MACROD2: variants seen among roughly 807,000 people sequenced by gnomAD.
MACROD2 encodes mono-ADP ribosylhydrolase 2, also known as ADP-ribose glycohydrolase MACROD2.
MACROD2 carries 36 observed loss-of-function variants against 70.4 expected under a neutral mutation model. The observed-to-expected ratio is 0.51, with a 90% CI of 0.39 to 0.68. The LOEUF (loss-of-function observed/expected upper bound fraction) is 0.68. MACROD2 is among the 30% of genes least tolerant of loss of function. The pLI, the probability that MACROD2 is intolerant of heterozygous loss-of-function variation, is 0.00. For synonymous variants in MACROD2, 172 were observed against 178.8 expected (o/e 0.96, Z 0.30); for missense variants, 496 against 538.4 (o/e 0.92, Z 0.78).
chr20:14,240,080 A>G (rs2081915232), intron 3 of MACROD2, among the ~76,000 whole-genome samples: 1 of 152,230 alleles, frequency 6.6e-6, no homozygotes, highest in Admixed American at 6.5e-5. Flanking sequence ...GAAGAACATG[A>G]AAAAATGCTC....
intron 8 of MACROD2, among the ~76,000 whole-genome samples, chr20:15,542,268 G>C (rs1237274310): frequency 1.3e-5 from 2 of 152,148 alleles, no homozygotes; most frequent in African/African-American, 4.8e-5. Flanking sequence ...TCTTTATAAT[G>C]TGGAAATTGT....
chr20:15,675,015 T>C (rs560854700), intron 8 of MACROD2, among the ~76,000 whole-genome samples: 1 of 152,218 alleles, frequency 6.6e-6, no homozygotes, highest in South Asian at 2.1e-4. Context: ...AGGTTATCAG[T>C]TATATTGGTT....
At chr20:15,808,411 G>T (rs1319218599) in intron 8 of MACROD2, among the ~76,000 whole-genome samples, 4 of 151,976 alleles carry the variant, frequency 2.6e-5, no homozygotes, top group African/African-American at 7.3e-5. Context: ...AATTAATAAG[G>T]CCAGCTACTT....
chr20:15,784,096 G>T (rs190524149), intron 8 of MACROD2, among the ~76,000 whole-genome samples: 1 of 152,182 alleles, frequency 6.6e-6, no homozygotes, highest in East Asian at 1.9e-4. Context: ...CTCAAATGTC[G>T]AATCTGTGGT....
At chr20:15,885,840 G>A in intron 10 of MACROD2, 29 bp downstream of exon 10, 2 of 1,489,056 alleles carry the variant, frequency 1.3e-6, no homozygotes, top group Admixed American at 2.6e-5. Flanking sequence ...TATTATTAGG[G>A]GGTAGGTAGG....
intron 5 of MACROD2, among the ~76,000 whole-genome samples, chr20:15,117,960 T>A (rs1421204494): frequency 6.6e-6 from 1 of 152,146 alleles, no homozygotes; most frequent in Non-Finnish European, 1.5e-5. Flanking sequence ...TTGTTTGTTT[T>A]TTCCCCACTC....
At chr20:14,087,036 G>A (rs2054084902) in intron 3 of MACROD2, among the ~76,000 whole-genome samples, 1 of 152,150 alleles carries the variant, frequency 6.6e-6, no homozygotes, top group Non-Finnish European at 1.5e-5. Flanking sequence ...CAAGGATATT[G>A]TACAGCTCTG....
intron 4 of MACROD2, among the ~76,000 whole-genome samples, chr20:14,604,422 C>A (rs984936872): frequency 5.3e-5 from 8 of 152,178 alleles, no homozygotes; most frequent in African/African-American, 1.4e-4. Flanking sequence ...ATCTTACAGG[C>A]ATACTCCACA....
At chr20:15,355,108 T>C (rs6110577) in intron 6 of MACROD2, among the ~76,000 whole-genome samples, 29,210 of 152,122 alleles carry the variant, frequency 0.19, 3,345 homozygotes, top group East Asian at 0.47. Flanking sequence ...TGGAGTACTA[T>C]AATACAATTC....
chr20:14,220,940 T>C (rs1239891030), intron 3 of MACROD2, among the ~76,000 whole-genome samples: 2 of 152,140 alleles, frequency 1.3e-5, no homozygotes. Context: ...TCAGGATGGC[T>C]GGTTTGTTTT....
At chr20:15,140,917 T>C (rs436473) in intron 5 of MACROD2, among the ~76,000 whole-genome samples, 28,011 of 152,168 alleles carry the variant, frequency 0.18, 3,484 homozygotes, top group African/African-American at 0.34. Context: ...TAAACCAGGT[T>C]TTAGTCGCAG....
At chr20:14,221,379 A>G (rs2081672469) in intron 3 of MACROD2, among the ~76,000 whole-genome samples, 1 of 152,194 alleles carries the variant, frequency 6.6e-6, no homozygotes, top group Non-Finnish European at 1.5e-5. Context: ...TGGGGGGCTG[A>G]CACAAGTGCT....
rs769273379 is a variant in MACROD2 at position 14,600,327 on chromosome 20, C to CATATATATATATAT, written c.302-84512_302-84499dup. Among the ~76,000 whole-genome samples the CATATATATATATAT allele has an allele frequency of 3.5e-4, 45 of 128,740 alleles. 1 individual carries two copies. Among genetic ancestry groups the CATATATATATATAT allele is most frequent in the South Asian group, 2.4e-3 (8 of 3,324 alleles). 84.5% of individuals were successfully genotyped at this position (128,740 alleles called of 152,430 possible). On this transcript the variant is annotated intron_variant, in intron 4 of 17. Transcript: ENST00000684519. Reference sequence around the variant, plus strand: ...GTAAAAAGTATGTAATATGCAGCTACATATATATATATATATACACACACA... The same window carrying CATATATATATATAT: ...GTAAAAAGTATGTAATATGCAGCTACATATATATATATATATATATATATATATATACACACACA...
At chr20:14,767,581 C>T (rs2072107621) in intron 5 of MACROD2, among the ~76,000 whole-genome samples, 1 of 151,980 alleles carries the variant, frequency 6.6e-6, no homozygotes, top group Non-Finnish European at 1.5e-5. Flanking sequence ...CTTACTGAGC[C>T]TCAGTTTCTT....
intron 4 of MACROD2, among the ~76,000 whole-genome samples, chr20:14,519,596 G>T (rs1416429690): frequency 6.6e-6 from 1 of 152,084 alleles, no homozygotes; most frequent in Non-Finnish European, 1.5e-5. Context: ...GAGAAAAGAG[G>T]ATACTTACAT....
chr20:15,738,241 C>A (rs1300785004), intron 8 of MACROD2, among the ~76,000 whole-genome samples: 2 of 152,044 alleles, frequency 1.3e-5, no homozygotes, highest in East Asian at 3.9e-4. Flanking sequence ...GTGATAGATA[C>A]CTCATTTATT....
chr20:14,873,123 C>G (rs1489460647), intron 5 of MACROD2, among the ~76,000 whole-genome samples: 1 of 152,048 alleles, frequency 6.6e-6, no homozygotes, highest in African/African-American at 2.4e-5. Context: ...CACAAAAACT[C>G]TAAGAAAGGG....
rs762960395 is a variant in MACROD2, at chr20:15,021,073, T to TGTGTATGTGTATACAC, written c.419-208830_419-208815dup. 1.2e-3 allele frequency among the ~76,000 whole-genome samples: 159 copies of TGTGTATGTGTATACAC among 138,082 alleles called. 9 individuals carry two copies. Among genetic ancestry groups the TGTGTATGTGTATACAC allele is most frequent in the East Asian group, 2.3e-3 (10 of 4,420 alleles). The allele number at this position is 138,082 out of a possible 152,430, so 90.6% of individuals were successfully genotyped here. A position where few individuals can be genotyped will look rare whatever the true frequency, so the allele number is the denominator to read the frequency against. On this transcript the variant is annotated intron_variant, in intron 5 of 17. Coordinates refer to ENST00000684519, the MANE Select transcript of MACROD2 (RefSeq NM_001351661.2). ...ACACATGTGCATATGTATACACATGTGTGTATGTGTATACACGTGTATGTG... is the reference window on the plus strand; with the variant it reads ...ACACATGTGCATATGTATACACATGTGTGTATGTGTATACACGTGTATGTGTATACACGTGTATGTG...
chr20:14,154,687 T>C (rs1484783446), intron 3 of MACROD2, among the ~76,000 whole-genome samples: 2 of 151,594 alleles, frequency 1.3e-5, no homozygotes, highest in Admixed American at 6.6e-5. Flanking sequence ...GCTGGGATTA[T>C]AGGCGTGAGC....
Sources: gnomAD v4.1 joint callset for allele counts (sites outside exome capture counted in the v4.1 genomes callset) on GRCh38, gnomAD v4.1.1 for gene constraint, MANE v1.5 for transcripts, NCBI Gene and HGNC (gene_info 2026-07-23, HGNC 2026-07-21) for gene names.